Variants in EPB41L3 observed in about 807,000 individuals in gnomAD.
EPB41L3 encodes erythrocyte membrane protein band 4.1 like 3, also known as band 4.1-like protein 3.
EPB41L3 carries 57 observed loss-of-function variants against 127.1 expected under a neutral mutation model. The ratio of observed to expected loss-of-function variants is 0.45; its 90% CI spans 0.36 to 0.56. The LOEUF is 0.56. EPB41L3 is among the 20% of genes least tolerant of loss of function. EPB41L3 has a pLI of 0.00. For synonymous variants in EPB41L3, 572 were observed against 549.5 expected (o/e 1.04, Z -0.57); for missense variants, 1,273 against 1,372.2 (o/e 0.93, Z 1.14).
At chr18:5,429,015 G>A (rs2078612857) in intron 8 of EPB41L3, among the ~76,000 whole-genome samples, 2 of 151,998 alleles carry the variant, frequency 1.3e-5, no homozygotes, top group South Asian at 4.1e-4. Context: ...AAAGAGCCCC[G>A]ATATTTTTTA....
chr18:5,568,772 C>T (rs1007784202), intron 3 of EPB41L3, among the ~76,000 whole-genome samples: 5 of 152,048 alleles, frequency 3.3e-5, no homozygotes, highest in African/African-American at 9.7e-5. Context: ...CCTAACTTTC[C>T]GAATTTAGAA....
chr18:5,563,394 G>T (rs1353306530), intron 3 of EPB41L3, among the ~76,000 whole-genome samples: 1 of 152,148 alleles, frequency 6.6e-6, no homozygotes, highest in African/African-American at 2.4e-5. Context: ...TTAGTGGCAG[G>T]AAGACCAAGT....
rs775996479 is a variant in EPB41L3, at chr18:5,397,427, C to G, written c.2473-1G>C. 6.2e-7 allele frequency: 1 copy of G among 1,603,466 alleles called. No individual in the cohort carries two copies. On this transcript the variant is annotated splice_acceptor_variant, in intron 17 of 22. Transcript: ENST00000341928. LOFTEE classifies it high-confidence loss of function. The surrounding 1 kb of genome is among the most constrained non-coding windows in gnomAD (Gnocchi z 4.1). ...TGGACTCCGTCTTGGTTTCCATTTT[C>G]TGCATGGGAAGAGATTGTGGCATCA...
At chr18:5,605,723 C>T (rs1284834898) in intron 3 of EPB41L3, among the ~76,000 whole-genome samples, 2 of 152,162 alleles carry the variant, frequency 1.3e-5, no homozygotes, top group Admixed American at 6.5e-5. Flanking sequence ...CTAGGTCCAA[C>T]CTCTTTCTGA....
chr18:5,464,022 A>T (rs1428701637), intron 3 of EPB41L3, among the ~76,000 whole-genome samples: 1 of 151,926 alleles, frequency 6.6e-6, no homozygotes, highest in Non-Finnish European at 1.5e-5. Context: ...TTTCCTGCCC[A>T]TGGGTCCCAG....
chr18:5,551,105 C>T (rs748617051), intron 3 of EPB41L3, among the ~76,000 whole-genome samples: 6 of 152,116 alleles, frequency 3.9e-5, no homozygotes, highest in Non-Finnish European at 8.8e-5. Flanking sequence ...GGTATAAATA[C>T]TCTGAATGGG....
intron 1 of EPB41L3, among the ~76,000 whole-genome samples, chr18:5,542,369 A>G (rs1210590881): frequency 6.6e-6 from 1 of 152,218 alleles, no homozygotes; most frequent in Admixed American, 6.5e-5. Flanking sequence ...GTTTTTAAGC[A>G]CTTGGTGTGA....
intron 1 of EPB41L3, among the ~76,000 whole-genome samples, chr18:5,625,922 C>T (rs1427627690): frequency 4.6e-5 from 7 of 151,854 alleles, no homozygotes; most frequent in African/African-American, 1.5e-4. Flanking sequence ...ATTTCAAAGT[C>T]CCCAATGTAA....
At chr18:5,449,499 CG>C (rs2146525764) in intron 3 of EPB41L3, among the ~76,000 whole-genome samples, 1 of 152,270 alleles carries the variant, frequency 6.6e-6, no homozygotes, top group South Asian at 2.1e-4. Flanking sequence ...GAGTTGAAAA[CG>C]TATGTCCACT....
chr18:5,569,264 A>G (rs1302248248), intron 3 of EPB41L3, among the ~76,000 whole-genome samples: 1 of 152,256 alleles, frequency 6.6e-6, no homozygotes, highest in Non-Finnish European at 1.5e-5. Context: ...CAGTATATTT[A>G]GCAAGTATTG....
chr18:5,532,682 A>C lies in EPB41L3; in HGVS notation c.-12+11231T>G, dbSNP rs563652471. ...GGTTCTTTATGCTGGGAGATGCTTGAACTAGAATATTTGGAGAAGAGATCA... is the reference window on the plus strand; with the variant it reads ...GGTTCTTTATGCTGGGAGATGCTTGCACTAGAATATTTGGAGAAGAGATCA... On this transcript the variant is annotated intron_variant, in intron 1 of 22. Transcript: ENST00000341928. 5.3e-5 allele frequency among the ~76,000 whole-genome samples: 8 copies of C among 152,304 alleles called. No individual in the cohort carries two copies. In the East Asian group the frequency reaches 1.5e-3, roughly 29 times the overall value.
At chr18:5,443,800 C>A (rs2081114800) in intron 5 of EPB41L3, 38 bp downstream of exon 5, 1 of 1,585,292 alleles carries the variant, frequency 6.3e-7, no homozygotes, top group Non-Finnish European at 8.6e-7. Flanking sequence ...CTCTGAAAAC[C>A]TTCACATTTC....
At chr18:5,585,980 T>A (rs973832855) in intron 3 of EPB41L3, among the ~76,000 whole-genome samples, 9 of 152,298 alleles carry the variant, frequency 5.9e-5, no homozygotes, top group Admixed American at 2.0e-4. Flanking sequence ...TTAACACTAT[T>A]ACCTCCCCTT....
At chr18:5,426,250 C>T (rs532179739) in intron 9 of EPB41L3, among the ~76,000 whole-genome samples, 2 of 152,330 alleles carry the variant, frequency 1.3e-5, no homozygotes, top group East Asian at 1.9e-4. Flanking sequence ...GAGTTACTCC[C>T]TGAAAATCTG....
intron 5 of EPB41L3, among the ~76,000 whole-genome samples, chr18:5,440,017 T>C (rs2080434096): frequency 6.6e-6 from 1 of 152,196 alleles, no homozygotes; most frequent in Non-Finnish European, 1.5e-5. Context: ...AGAAAAGACA[T>C]TTAATGCAAA....
In EPB41L3 at chr18:5,416,095, G is replaced by A. The variant is rs746680748; in HGVS notation, c.1790C>T (p.Pro597Leu). The change falls in exon 13 of 23, where the codon CCC (proline) becomes CTC (leucine). Residue 597 changes from proline to leucine, a missense_variant. Coordinates refer to ENST00000341928, the MANE Select transcript of EPB41L3 (RefSeq NM_012307.5). ...SFSLQLPESF[P>L]SLLDDDGYLS... ...GTATCCATCATCATCTAGGAGGGAG[G>A]GGAATGACTCAGGGAGCTGCAAGGA... The A allele has an allele frequency of 1.2e-6, 2 of 1,612,408 alleles. No homozygotes were observed. Among genetic ancestry groups the A allele is most frequent in the South Asian group, 1.1e-5 (1 of 90,928 alleles).
chr18:5,527,777 C>G (rs949929023), intron 1 of EPB41L3, among the ~76,000 whole-genome samples: 1 of 152,152 alleles, frequency 6.6e-6, no homozygotes, highest in Admixed American at 6.5e-5. Flanking sequence ...AGGCCGAGGG[C>G]TCGGCAAGTC....
At chr18:5,414,773 A>G (rs2076593914) in intron 13 of EPB41L3, among the ~76,000 whole-genome samples, 1 of 152,182 alleles carries the variant, frequency 6.6e-6, no homozygotes, top group African/African-American at 2.4e-5. Context: ...AGCCTGGAGA[A>G]AGAGAAACTG....
At chr18:5,441,559 G>A (rs964998608) in intron 5 of EPB41L3, among the ~76,000 whole-genome samples, 15 of 150,580 alleles carry the variant, frequency 1.0e-4, no homozygotes, top group Admixed American at 5.3e-4. Flanking sequence ...TCCGCCTCCC[G>A]GGTTCACGCC....
Sources: gnomAD v4.1 joint callset for allele counts (sites outside exome capture counted in the v4.1 genomes callset) on GRCh38, gnomAD v4.1.1 for gene constraint, Gnocchi (gnomAD v3.1) non-coding constraint, MANE v1.5 for transcripts, NCBI Gene and HGNC (gene_info 2026-07-23, HGNC 2026-07-21) for gene names.